Variants in STXBP4 observed in about 807,000 individuals in gnomAD.
STXBP4 encodes the protein syntaxin binding protein 4.
Under a neutral mutation model 76.1 loss-of-function variants are expected in STXBP4, and 55 were observed. That is an observed-to-expected ratio of 0.72 (90% CI 0.58 to 0.91). The LOEUF (loss-of-function observed/expected upper bound fraction) is 0.91, where lower values mean the gene tolerates loss of function less well. Ranked by LOEUF, STXBP4 falls within the 40% of genes least tolerant of loss-of-function variation. The pLI is 0.00. For missense variants in STXBP4, 618 were observed against 636.9 expected (o/e 0.97, Z 0.32); for synonymous variants, 201 against 220.2 (o/e 0.91, Z 0.77).
At chr17:55,055,133 G>T (rs1198101501) in intron 12 of STXBP4, among the ~76,000 whole-genome samples, 1 of 152,116 alleles carries the variant, frequency 6.6e-6, no homozygotes, top group African/African-American at 2.4e-5. Context: ...TACTAGTTTT[G>T]ACATGTATTC....
chr17:55,000,841 C>G lies in STXBP4; in HGVS notation c.532C>G (p.Pro178Ala). 6.2e-7 allele frequency: 1 copy of G among 1,610,596 alleles called. No individual in the cohort carries two copies. Among genetic ancestry groups the G allele is most frequent in the Non-Finnish European group, 8.5e-7 (1 of 1,177,314 alleles). ...KTGYNKTVQI[P>A]ITSENSTVGL... Reference sequence around the variant, plus strand: ...TGGATACAACAAAACAGTACAGATTCCAATTACTTCAGAAAACAGTACTGT... The same window carrying G: ...TGGATACAACAAAACAGTACAGATTGCAATTACTTCAGAAAACAGTACTGT... The change falls in exon 7 of 18, where the codon CCA becomes GCA. Residue 178 changes from proline (P) to alanine (A), a missense_variant. Transcript: ENST00000376352.
At chr17:55,028,923 C>T (rs1279746164) in intron 8 of STXBP4, among the ~76,000 whole-genome samples, 1 of 152,078 alleles carries the variant, frequency 6.6e-6, no homozygotes, top group African/African-American at 2.4e-5. Context: ...GTTTGGAGAA[C>T]AATTCAACAA....
Position 55,078,148 on chromosome 17 carries a change from G to A in STXBP4, c.1259G>A (p.Arg420Gln), listed in dbSNP as rs772411748. 1.5e-5 allele frequency: 24 copies of A among 1,611,766 alleles called. No individual in the cohort carries two copies. Among genetic ancestry groups the A allele is most frequent in the Middle Eastern group, 3.3e-4 (2 of 6,068 alleles). ...DCQLRKSEMA[R>Q]KTFEASTEKL... ...CAATTACGAAAATCAGAAATGGCTC[G>A]AAAAACTTTTGAGGCATCCACTGAA... Residue 420 changes from arginine to glutamine, a missense_variant, in exon 14 of 18, where the codon CGA becomes CAA. Physicochemically the swap from Arg to Gln is conservative, Grantham distance 43. Transcript: ENST00000376352.
At chr17:55,043,878 G>C in intron 11 of STXBP4, 2 of 481,382 alleles carry the variant, frequency 4.2e-6, no homozygotes, top group South Asian at 6.1e-5. Context: ...AGACAGGGTC[G>C]CACTCTGTCG....
intron 16 of STXBP4, among the ~76,000 whole-genome samples, chr17:55,097,456 G>T (rs1359814823): frequency 6.6e-6 from 1 of 152,164 alleles, no homozygotes; most frequent in Non-Finnish European, 1.5e-5. Flanking sequence ...GAGGTCAGGA[G>T]ATCGAGACCA....
intron 16 of STXBP4, among the ~76,000 whole-genome samples, chr17:55,121,148 G>A (rs575553076): frequency 1.3e-5 from 2 of 152,276 alleles, no homozygotes; most frequent in South Asian, 4.1e-4. Flanking sequence ...CTAGCAGTCT[G>A]TGGGAAGAGA....
At chr17:55,199,084 G>A in the STXBP4 span, among the ~76,000 whole-genome samples, 2 of 152,222 alleles carry the variant, frequency 1.3e-5, no homozygotes, top group African/African-American at 4.8e-5. Context: ...ATAGATCAGA[G>A]CATGGCATAT....
chr17:55,133,363 G>T (rs1186215202), intron 16 of STXBP4, among the ~76,000 whole-genome samples: 2 of 152,148 alleles, frequency 1.3e-5, no homozygotes, highest in African/African-American at 4.8e-5. Flanking sequence ...CAGGAGATCA[G>T]TAATGGGCAC....
At position 54,999,411 on chromosome 17, in the gene STXBP4, T is replaced by C. The variant is rs970983045; in HGVS notation, c.247T>C (p.Phe83Leu). Residue 83 changes from phenylalanine (F) to leucine (L), a missense_variant, in exon 5 of 18, where the codon TTT (phenylalanine) becomes CTT (leucine). Coordinates refer to ENST00000376352, the MANE Select transcript of STXBP4 (RefSeq NM_178509.6). ...CAAGGAATCTATGATTGGTGTATCA[T>C]TTGAAGAAGCAAAAAGCATAATTAC... The part of the protein sequence containing the change: ...VNKESMIGVS[F>L]EEAKSIITGA... 6.2e-7 allele frequency: 1 copy of C among 1,613,152 alleles called. No individual in the cohort carries two copies. The highest frequency in any genetic ancestry group is 8.5e-7 in the Non-Finnish European group (1 of 1,179,656).
chr17:54,980,319 T>A (rs1296616138), intron 1 of STXBP4, among the ~76,000 whole-genome samples: 1 of 152,088 alleles, frequency 6.6e-6, no homozygotes. Context: ...TAAAAAAAAA[T>A]AATACCTAGG....
chr17:55,151,511 C>G (rs893249447), intron 17 of STXBP4, among the ~76,000 whole-genome samples: 4 of 152,154 alleles, frequency 2.6e-5, no homozygotes, highest in African/African-American at 9.7e-5. Context: ...TTTGATCATG[C>G]CTGCACTTTG....
At chr17:54,969,068 C>T (rs1424868229) in intron 1 of STXBP4, among the ~76,000 whole-genome samples, 2 of 152,166 alleles carry the variant, frequency 1.3e-5, no homozygotes, top group African/African-American at 4.8e-5. Context: ...GGACTTAGTT[C>T]AAGTATCACC....
At chr17:55,185,248 TCTCCTTCTC>T in the STXBP4 span, among the ~76,000 whole-genome samples, 32 of 43,824 alleles carry the variant, frequency 7.3e-4, no homozygotes, top group Admixed American at 1.3e-3. Context: ...TTCTTCTTCT[TCTCCTTCTC>T]CTTCTCCTTC....
intron 9 of STXBP4, among the ~76,000 whole-genome samples, chr17:55,033,322 C>T (rs998266050): frequency 1.3e-5 from 2 of 152,068 alleles, no homozygotes; most frequent in East Asian, 1.9e-4. Context: ...TGCAGTGAGC[C>T]AAGATCGTGC....
At chr17:55,037,090 T>C (rs1428948437) in intron 10 of STXBP4, among the ~76,000 whole-genome samples, 2 of 152,038 alleles carry the variant, frequency 1.3e-5, no homozygotes, top group Admixed American at 6.6e-5. Context: ...CTCAGGAGAG[T>C]GCCCAGTTCT....
chr17:55,040,742 G>A (rs1417630051), intron 10 of STXBP4, among the ~76,000 whole-genome samples: 1 of 152,122 alleles, frequency 6.6e-6, no homozygotes, highest in Non-Finnish European at 1.5e-5. Context: ...GCAAAGTTCG[G>A]GAGATCCAAG....
At chr17:55,005,513 G>A (rs1037320546) in intron 7 of STXBP4, among the ~76,000 whole-genome samples, 4 of 152,166 alleles carry the variant, frequency 2.6e-5, no homozygotes, top group Non-Finnish European at 5.9e-5. Flanking sequence ...TCTTTTCACT[G>A]TTAGAGATAG....
rs1480428015 is a variant in STXBP4 at position 54,999,838 on chromosome 17, G to C, written c.494G>C (p.Cys165Ser). Reference sequence around the variant, plus strand: ...ACAAATAATGACATTTTATCTTCTTGTGAGGTAAGTCAGGTAATCTTAAAT... The same window carrying C: ...ACAAATAATGACATTTTATCTTCTTCTGAGGTAAGTCAGGTAATCTTAAAT... ...PKTNNDILSSCEIKTGYNKTV... is the reference protein window; with the variant it reads ...PKTNNDILSSSEIKTGYNKTV... Residue 165 changes from cysteine to serine, a missense_variant, in exon 6 of 18, where the codon TGT (cysteine) becomes TCT (serine). By Grantham distance (112) the Cys-to-Ser change is moderately radical. Coordinates refer to ENST00000376352, the MANE Select transcript of STXBP4 (RefSeq NM_178509.6). The C allele has an allele frequency of 6.2e-7, 1 of 1,606,502 alleles. No homozygotes were observed. The highest frequency in any genetic ancestry group is 2.2e-5 in the East Asian group (1 of 44,728).
chr17:55,165,050 T>G lies in STXBP4; in HGVS notation c.*5139T>G, dbSNP rs2080369477. 6.6e-6 allele frequency: 1 copy of G among 152,238 alleles called. No homozygotes were observed. Among genetic ancestry groups the G allele is most frequent in the Non-Finnish European group, 1.5e-5 (1 of 68,044 alleles). The allele number at this position is 152,238 out of a possible 1,614,324, so 9.4% of individuals were successfully genotyped here. A position where few individuals can be genotyped will look rare whatever the true frequency, so the allele number is the denominator to read the frequency against. On this transcript the variant is annotated 3_prime_UTR_variant, in exon 18 of 18. Transcript: ENST00000376352. The stretch of plus-strand genomic sequence containing the variant: ...CATTTATTTTCTTTCTCCGCATTCT[T>G]TATCAGATATTTGAACTACTGGACC...
Sources: allele counts gnomAD v4.1 joint callset (sites outside exome capture counted in the v4.1 genomes callset), GRCh38; gene constraint gnomAD v4.1.1; transcripts MANE v1.5; gene names NCBI Gene and HGNC (gene_info 2026-07-23, HGNC 2026-07-21).